The following FER variants were observed in gnomAD, a reference collection of about 807,000 sequenced individuals.
FER encodes FER tyrosine kinase, also known as tyrosine-protein kinase Fer.
Under a neutral mutation model 111.0 loss-of-function variants are expected in FER, and 63 were observed. The observed-to-expected ratio is 0.57, with a 90% CI of 0.46 to 0.70. The LOEUF (loss-of-function observed/expected upper bound fraction) is 0.70. Ranked by LOEUF, FER falls within the 30% of genes least tolerant of loss-of-function variation. FER has a pLI of 0.00. For synonymous variants in FER, 327 were observed against 313.9 expected, an observed-to-expected ratio of 1.04 and a Z score of -0.44; for missense variants, 914 against 954.0, an observed-to-expected ratio of 0.96 and a Z score of 0.55.
intron 5 of FER, among the ~76,000 whole-genome samples, chr5:108,845,021 T>TATATATATATATATATACAC (rs1761811636): frequency 1.9e-5 from 1 of 52,730 alleles, no homozygotes; most frequent in African/African-American, 6.5e-5. Flanking sequence ...TATATATATA[T>TATATATATATATATATACAC]ATATATATAT....
rs958858500 is a variant in FER at position 108,751,444 on chromosome 5, A to T, written c.-206+3444A>T. 2.0e-5 allele frequency among the ~76,000 whole-genome samples: 3 copies of T among 152,196 alleles called. No homozygotes were observed. In the East Asian group the frequency reaches 5.8e-4, roughly 29 times the overall value. ...CAAATAAGTAAACTGCATTTTGGTA[A>T]TCAGACAAAAGGAAATCTGATGAAC... On this transcript the variant is annotated intron_variant, in intron 1 of 19. Coordinates refer to ENST00000281092, the MANE Select transcript of FER (RefSeq NM_005246.4).
At chr5:108,773,539 T>C (rs1006634521) in intron 2 of FER, among the ~76,000 whole-genome samples, 1 of 152,244 alleles carries the variant, frequency 6.6e-6, no homozygotes, top group African/African-American at 2.4e-5. Context: ...TTCCTTTTTA[T>C]GGCTGCATAG....
chr5:108,973,500 T>A (rs867012913), intron 13 of FER, among the ~76,000 whole-genome samples: 2 of 152,138 alleles, frequency 1.3e-5, no homozygotes, highest in Non-Finnish European at 2.9e-5. Context: ...TTTGTTTTTT[T>A]TTGTTATTTA....
rs375691528 is a variant in FER, at chr5:108,819,389, T to G, written c.208-13381T>G. On this transcript the variant is annotated intron_variant, in intron 3 of 19. Transcript: ENST00000281092. The stretch of plus-strand genomic sequence containing the variant: ...ACCTTTAGGTTCCCACACTGCTCCC[T>G]CCAAGCATCAGGTTATGTCAGGTGT... 1.6e-4 allele frequency among the ~76,000 whole-genome samples: 25 copies of G among 152,222 alleles called. No homozygotes were observed. The South Asian group carries it at 1.9e-3, about 11-fold the overall frequency.
intron 13 of FER, among the ~76,000 whole-genome samples, chr5:108,996,664 C>T (rs547174586): frequency 2.0e-5 from 3 of 152,240 alleles, no homozygotes; most frequent in South Asian, 2.1e-4. Context: ...GTTACTGTAG[C>T]CTTGTGGTAT....
intron 17 of FER, among the ~76,000 whole-genome samples, chr5:109,139,350 C>CTTTTTTTTTTTTT (rs59092426): frequency 9.9e-5 from 9 of 91,092 alleles, no homozygotes; most frequent in African/African-American, 3.5e-4. Flanking sequence ...TTCTTTCTTT[C>CTTTTTTTTTTTTT]TTTTTTTTTT....
intron 16 of FER, among the ~76,000 whole-genome samples, chr5:109,086,279 C>A (rs986487838): frequency 8.7e-6 from 1 of 115,042 alleles, no homozygotes; most frequent in Non-Finnish European, 1.9e-5. Context: ...AGGTATCGGT[C>A]CTTACATCCA....
At chr5:108,924,688 T>A in intron 10 of FER, 1 of 1,232,054 alleles carries the variant, frequency 8.1e-7, no homozygotes, top group Admixed American at 4.2e-5. Flanking sequence ...ATGTCCTCAT[T>A]GTAAGGATCA....
At chr5:109,149,322 A>G (rs1434747566) in intron 17 of FER, among the ~76,000 whole-genome samples, 3 of 152,138 alleles carry the variant, frequency 2.0e-5, no homozygotes, top group African/African-American at 7.2e-5. Context: ...GGGAGGGAGA[A>G]GAGATAAAAG....
At chr5:108,765,531 T>G (rs551709808) in intron 1 of FER, among the ~76,000 whole-genome samples, 10 of 152,160 alleles carry the variant, frequency 6.6e-5, no homozygotes, top group Non-Finnish European at 1.3e-4. Context: ...GTGATCCTTC[T>G]GCCTCAGCCT....
intron 13 of FER, among the ~76,000 whole-genome samples, chr5:109,006,585 C>T (rs1039820106): frequency 1.2e-4 from 19 of 152,168 alleles, no homozygotes; most frequent in Non-Finnish European, 2.5e-4. Flanking sequence ...AAGCAGTAAG[C>T]AAGGTTTTGC....
intron 17 of FER, among the ~76,000 whole-genome samples, chr5:109,156,531 A>C (rs938783501): frequency 6.6e-6 from 1 of 151,908 alleles, no homozygotes; most frequent in African/African-American, 2.4e-5. Context: ...CTAGATCTCT[A>C]GGAGTCATGA....
At chr5:108,945,760 G>A (rs1459113781) in intron 10 of FER, among the ~76,000 whole-genome samples, 3 of 151,710 alleles carry the variant, frequency 2.0e-5, no homozygotes, top group Non-Finnish European at 4.4e-5. Context: ...AGTCCTATCC[G>A]AAATAGTCTG....
At chr5:109,020,091 T>C (rs988176316) in intron 13 of FER, among the ~76,000 whole-genome samples, 1 of 152,014 alleles carries the variant, frequency 6.6e-6, no homozygotes, top group Admixed American at 6.6e-5. Flanking sequence ...TGACTCTTAA[T>C]GATTGGCTTT....
At chr5:109,148,140 T>A (rs943341043) in intron 17 of FER, among the ~76,000 whole-genome samples, 1 of 152,054 alleles carries the variant, frequency 6.6e-6, no homozygotes, top group African/African-American at 2.4e-5. Flanking sequence ...TTCACTTACC[T>A]GGGATATAAT....
chr5:109,108,332 C>G (rs1749195605), intron 17 of FER, among the ~76,000 whole-genome samples: 1 of 152,122 alleles, frequency 6.6e-6, no homozygotes. Flanking sequence ...AAGAATTAAA[C>G]TATGTATTAG....
chr5:108,905,130 G>A (rs1393564417), intron 10 of FER, among the ~76,000 whole-genome samples: 3 of 151,870 alleles, frequency 2.0e-5, no homozygotes, highest in Non-Finnish European at 4.4e-5. Context: ...TTCATATCAC[G>A]TTAGCCAATG....
intron 17 of FER, among the ~76,000 whole-genome samples, chr5:109,135,345 G>T (rs2126600142): frequency 6.6e-6 from 1 of 152,312 alleles, no homozygotes; most frequent in East Asian, 1.9e-4. Context: ...GTACAGAGAG[G>T]TTAAGTGATT....
At chr5:108,970,422 G>T (rs965414204) in intron 13 of FER, among the ~76,000 whole-genome samples, 1 of 151,512 alleles carries the variant, frequency 6.6e-6, no homozygotes, top group Non-Finnish European at 1.5e-5. Context: ...GGGTTTTGCC[G>T]TGTTAGCCAG....
Sources: allele counts gnomAD v4.1 joint callset (sites outside exome capture counted in the v4.1 genomes callset), GRCh38; gene constraint gnomAD v4.1.1; transcripts MANE v1.5; gene names NCBI Gene and HGNC (gene_info 2026-07-23, HGNC 2026-07-21).